The following RGL1 variants were observed in gnomAD, a reference collection of about 807,000 sequenced individuals.
The protein encoded by RGL1 is ral guanine nucleotide dissociation stimulator like 1.
Under a neutral mutation model 95.2 loss-of-function variants are expected in RGL1, and 24 were observed. The ratio of observed to expected loss-of-function variants is 0.25; its 90% CI spans 0.18 to 0.35. RGL1 has a LOEUF of 0.35. Ranked by LOEUF, RGL1 falls within the 10% of genes least tolerant of loss-of-function variation. The probability of loss-of-function intolerance (pLI) is 1.00; values close to 1 mark genes in which losing one functional copy is unlikely to be tolerated. For synonymous variants in RGL1, 329 were observed against 344.9 expected, an observed-to-expected ratio of 0.95 and a Z score of 0.51; for missense variants, 715 against 936.3, an observed-to-expected ratio of 0.76 and a Z score of 3.08.
At chr1:183,840,727 T>A (rs140645456) in intron 2 of RGL1, among the ~76,000 whole-genome samples, 346 of 148,150 alleles carry the variant, frequency 2.3e-3, no homozygotes, top group African/African-American at 8.1e-3. Flanking sequence ...AAATAAATAA[T>A]AAATAAATAA....
intron 2 of RGL1, among the ~76,000 whole-genome samples, chr1:183,836,559 C>T (rs1332278785): frequency 1.3e-5 from 2 of 152,126 alleles, no homozygotes; most frequent in African/African-American, 2.4e-5. Context: ...TGAGCCACTG[C>T]GCCCAGCCTT....
intron 9 of RGL1, among the ~76,000 whole-genome samples, chr1:183,895,545 G>A (rs1451231265): frequency 6.6e-6 from 1 of 152,130 alleles, no homozygotes; most frequent in African/African-American, 2.4e-5. Context: ...CATGAGTACA[G>A]CAGAAAACAA....
At chr1:183,659,430 T>C (rs1172597514) in intron 1 of RGL1, among the ~76,000 whole-genome samples, 4 of 152,126 alleles carry the variant, frequency 2.6e-5, no homozygotes. Flanking sequence ...CAGGAGCCGA[T>C]GTGATCAACT....
At chr1:183,837,742 G>C (rs1663769169) in intron 2 of RGL1, among the ~76,000 whole-genome samples, 1 of 152,184 alleles carries the variant, frequency 6.6e-6, no homozygotes, top group Admixed American at 6.5e-5. Context: ...TGGCACCAGG[G>C]ACTGGTTTTG....
At chr1:183,700,735 G>A (rs1349204195) in intron 1 of RGL1, among the ~76,000 whole-genome samples, 2 of 151,964 alleles carry the variant, frequency 1.3e-5, no homozygotes, top group Admixed American at 6.6e-5. Flanking sequence ...TAGAAGAGAC[G>A]GGGTTTCACC....
At chr1:183,846,925 G>A (rs1475225836) in intron 2 of RGL1, among the ~76,000 whole-genome samples, 1 of 151,954 alleles carries the variant, frequency 6.6e-6, no homozygotes, top group Non-Finnish European at 1.5e-5. Context: ...CAAAACAAAG[G>A]GAATGCTTGC....
intron 13 of RGL1, among the ~76,000 whole-genome samples, chr1:183,906,447 T>A (rs952407013): frequency 4.6e-5 from 7 of 152,140 alleles, no homozygotes; most frequent in Non-Finnish European, 8.8e-5. Flanking sequence ...CTGGCCAACA[T>A]GGTGAAACCC....
chr1:183,796,071 T>C (rs1041130372), intron 2 of RGL1, among the ~76,000 whole-genome samples: 4 of 152,070 alleles, frequency 2.6e-5, no homozygotes, highest in Non-Finnish European at 5.9e-5. Flanking sequence ...TAGAAAACAT[T>C]ATGTATGCTC....
At chr1:183,791,307 T>TTA (rs1246264671) in intron 2 of RGL1, among the ~76,000 whole-genome samples, 1 of 152,226 alleles carries the variant, frequency 6.6e-6, no homozygotes, top group Non-Finnish European at 1.5e-5. Flanking sequence ...CCACAGTTGA[T>TTA]TTTCTAAAGT....
At chr1:183,921,464 A>C (rs1174535041) in intron 16 of RGL1, among the ~76,000 whole-genome samples, 1 of 152,170 alleles carries the variant, frequency 6.6e-6, no homozygotes, top group Non-Finnish European at 1.5e-5. Context: ...TTTTTTTGAA[A>C]GAATAGACTC....
intron 1 of RGL1, among the ~76,000 whole-genome samples, chr1:183,714,718 A>G (rs981450807): frequency 1.8e-4 from 27 of 152,304 alleles, no homozygotes; most frequent in African/African-American, 6.5e-4. Context: ...GTGTCTTTTT[A>G]TCTTTTAATA....
intron 1 of RGL1, among the ~76,000 whole-genome samples, chr1:183,701,104 C>T (rs1299588669): frequency 6.6e-6 from 1 of 152,092 alleles, no homozygotes; most frequent in African/African-American, 2.4e-5. Context: ...TTTATGGCTG[C>T]AAGATTAAAG....
intron 2 of RGL1, among the ~76,000 whole-genome samples, chr1:183,772,390 C>T (rs1659328302): frequency 6.6e-6 from 1 of 152,302 alleles, no homozygotes; most frequent in Admixed American, 6.5e-5. Context: ...ACCTCCGTCA[C>T]GTCCTGGGAG....
intron 2 of RGL1, among the ~76,000 whole-genome samples, chr1:183,772,337 C>G (rs1340839276): frequency 1.3e-5 from 2 of 152,210 alleles, no homozygotes; most frequent in Non-Finnish European, 2.9e-5. Context: ...TCTGTATGCT[C>G]CCCTAGAGGT....
At chr1:183,836,220 A>G (rs1663639008) in intron 2 of RGL1, among the ~76,000 whole-genome samples, 2 of 152,104 alleles carry the variant, frequency 1.3e-5, no homozygotes, top group South Asian at 4.2e-4. Context: ...AAGAAAACCT[A>G]TTAAGAAAAA....
chr1:183,684,655 T>C (rs950925400), intron 1 of RGL1, among the ~76,000 whole-genome samples: 3 of 152,204 alleles, frequency 2.0e-5, no homozygotes, highest in African/African-American at 7.2e-5. Context: ...CTTCTGCAGC[T>C]AGCTTGGTGT....
intron 1 of RGL1, among the ~76,000 whole-genome samples, chr1:183,699,458 G>T (rs1451105446): frequency 6.6e-6 from 1 of 152,086 alleles, no homozygotes; most frequent in Non-Finnish European, 1.5e-5. Flanking sequence ...TGTATAATCA[G>T]TCTATTTAGA....
intron 1 of RGL1, among the ~76,000 whole-genome samples, chr1:183,638,540 T>A (rs1234977399): frequency 6.6e-6 from 1 of 152,190 alleles, no homozygotes; most frequent in Non-Finnish European, 1.5e-5. Flanking sequence ...TTAAGAGAAA[T>A]TTTTGTGTGT....
chr1:183,661,291 C>G (rs1447274074), intron 1 of RGL1, among the ~76,000 whole-genome samples: 1 of 151,984 alleles, frequency 6.6e-6, no homozygotes, highest in East Asian at 1.9e-4. Context: ...AAAGGATCAA[C>G]AAAATTGATA....
Sources: allele counts gnomAD v4.1 joint callset (sites outside exome capture counted in the v4.1 genomes callset), GRCh38; gene constraint gnomAD v4.1.1; transcripts MANE v1.5; gene names NCBI Gene and HGNC (gene_info 2026-07-23, HGNC 2026-07-21).